The following GATAD2B variants were observed in gnomAD, a reference collection of about 807,000 sequenced individuals.
The protein encoded by GATAD2B is transcriptional repressor p66-beta.
GATAD2B carries 8 observed loss-of-function variants against 64.3 expected under a neutral mutation model. The ratio of observed to expected loss-of-function variants is 0.12; its 90% CI spans 0.07 to 0.22. The LOEUF (loss-of-function observed/expected upper bound fraction) is 0.22, where lower values mean the gene tolerates loss of function less well. GATAD2B is among the 10% of genes least tolerant of loss of function. GATAD2B has a pLI of 1.00. For synonymous variants in GATAD2B, 281 were observed against 271.3 expected, an observed-to-expected ratio of 1.04 and a Z score of -0.35; for missense variants, 453 against 752.0, an observed-to-expected ratio of 0.60 and a Z score of 4.65.
At chr1:153,819,339 CTTAA>C (rs760827689) in intron 3 of GATAD2B, among the ~76,000 whole-genome samples, 6 of 152,200 alleles carry the variant, frequency 3.9e-5, no homozygotes, top group Non-Finnish European at 7.3e-5. Context: ...CTTTATATGA[CTTAA>C]TTATGAACTT....
intron 1 of GATAD2B, among the ~76,000 whole-genome samples, chr1:153,887,484 A>G (rs1677219827): frequency 6.6e-6 from 1 of 152,240 alleles, no homozygotes; most frequent in Non-Finnish European, 1.5e-5. Context: ...AAAACTAGGT[A>G]CACTACCTTA....
chr1:153,830,385 A>G (rs1200365277), intron 1 of GATAD2B, among the ~76,000 whole-genome samples: 2 of 151,932 alleles, frequency 1.3e-5, no homozygotes, highest in Admixed American at 1.3e-4. Flanking sequence ...TGACCTTGTG[A>G]TCTGTCTGCC....
Position 153,806,064 on chromosome 1 carries a change from G to A in GATAD2B, c.*4113C>T, listed in dbSNP as rs539956397. 2.0e-5 allele frequency: 3 copies of A among 152,282 alleles called. No individual in the cohort carries two copies. The highest frequency in any genetic ancestry group is 7.2e-5 in the African/African-American group (3 of 41,536). The allele number at this position is 152,282 out of a possible 1,614,324, so 9.4% of individuals were successfully genotyped here. ...TCTTTCTTTTTTGAGGAGGTGGGGTGGGGGAAATCCCTTGCATAAGAAAGC... is the reference window on the plus strand; with the variant it reads ...TCTTTCTTTTTTGAGGAGGTGGGGTAGGGGAAATCCCTTGCATAAGAAAGC... On this transcript the variant is annotated 3_prime_UTR_variant, in exon 11 of 11. Coordinates refer to ENST00000368655, the MANE Select transcript of GATAD2B (RefSeq NM_020699.4).
At chr1:153,921,713 A>G (rs1678436985) in intron 1 of GATAD2B, 1 of 152,228 alleles carries the variant, frequency 6.6e-6, no homozygotes, top group Non-Finnish European at 1.5e-5. Flanking sequence ...GTTGCTAGCT[A>G]GCTCAGTTAG....
chr1:153,905,690 G>A lies in GATAD2B; in HGVS notation c.-2+17043C>T, dbSNP rs550767251. On this transcript the variant is annotated intron_variant, in intron 1 of 10. Transcript: ENST00000368655. ...CACCTGCCTGTAATCCCAGCTACTC[G>A]GGAGGCTGAAGCAGGAAAACTGCTT... 1.4e-3 allele frequency among the ~76,000 whole-genome samples: 218 copies of A among 151,458 alleles called. 1 individual carries two copies. The highest frequency in any genetic ancestry group is 2.7e-3 in the Non-Finnish European group (184 of 67,846).
intron 1 of GATAD2B, among the ~76,000 whole-genome samples, chr1:153,846,557 CTTTTTTT>C (rs887230575): frequency 7.9e-5 from 9 of 113,860 alleles, no homozygotes; most frequent in East Asian, 2.6e-4. Flanking sequence ...TCTTTGCGTT[CTTTTTTT>C]TTTTTTTTTT....
chr1:153,898,315 A>AAC (rs1677663310), intron 1 of GATAD2B, among the ~76,000 whole-genome samples: 1 of 150,500 alleles, frequency 6.6e-6, no homozygotes, highest in African/African-American at 2.5e-5. Context: ...TCAAAAAAAA[A>AAC]AAAAAAAAGA....
At chr1:153,866,947 T>C (rs1367131554) in intron 1 of GATAD2B, among the ~76,000 whole-genome samples, 1 of 152,092 alleles carries the variant, frequency 6.6e-6, no homozygotes, top group African/African-American at 2.4e-5. Context: ...CACCAGCTGA[T>C]TTTTGTACTT....
chr1:153,855,079 G>A (rs1676035173), intron 1 of GATAD2B, among the ~76,000 whole-genome samples: 1 of 152,082 alleles, frequency 6.6e-6, no homozygotes, highest in Admixed American at 6.6e-5. Flanking sequence ...AGATACTATG[G>A]GGAACTGGGT....
At chr1:153,813,672 A>G (rs1456506420) in intron 7 of GATAD2B, among the ~76,000 whole-genome samples, 1 of 152,222 alleles carries the variant, frequency 6.6e-6, no homozygotes, top group Non-Finnish European at 1.5e-5. Flanking sequence ...AAATGAGGAC[A>G]GAAGTCGAAG....
Position 153,810,341 on chromosome 1 carries a change from G to A in GATAD2B, c.1649-31C>T, listed in dbSNP as rs771547991. The A allele has an allele frequency of 4.4e-6, 7 of 1,606,976 alleles. No individual in the cohort carries two copies. In the Admixed American group the frequency reaches 1.0e-4, roughly 23 times the overall value. ...CCCAGGAGACAAAAGTGGAGGGCAG[G>A]TATTAAAAGAGGAAATAACATTCCC... On this transcript the variant is annotated intron_variant, in intron 10 of 10. Transcript: ENST00000368655.
At chr1:153,834,041 T>C (rs1675179392) in intron 1 of GATAD2B, among the ~76,000 whole-genome samples, 1 of 151,752 alleles carries the variant, frequency 6.6e-6, no homozygotes, top group African/African-American at 2.4e-5. Flanking sequence ...CTCACTCTGT[T>C]GCCCAGTCTG....
At chr1:153,863,687 G>T (rs59308681) in intron 1 of GATAD2B, among the ~76,000 whole-genome samples, 1 of 151,240 alleles carries the variant, frequency 6.6e-6, no homozygotes, top group African/African-American at 2.4e-5. Context: ...GCAGCTGTGC[G>T]ATCTTGGCTC....
chr1:153,841,030 CAGG>C (rs958685337), intron 1 of GATAD2B, among the ~76,000 whole-genome samples: 2 of 147,926 alleles, frequency 1.4e-5, no homozygotes, highest in African/African-American at 2.5e-5. Context: ...GAAGCTGAAG[CAGG>C]AGAATGGCGT....
chr1:153,868,529 A>G (rs1277962042), intron 1 of GATAD2B, among the ~76,000 whole-genome samples: 1 of 152,074 alleles, frequency 6.6e-6, no homozygotes, highest in African/African-American at 2.4e-5. Flanking sequence ...TAAAAAATTT[A>G]AAGTCTTTAA....
At chr1:153,879,275 T>C (rs1676935946) in intron 1 of GATAD2B, among the ~76,000 whole-genome samples, 1 of 151,840 alleles carries the variant, frequency 6.6e-6, no homozygotes, top group Admixed American at 6.6e-5. Context: ...GGGTTTCACC[T>C]TGTTGGCCAG....
Position 153,806,886 on chromosome 1 carries a change from T to C in GATAD2B, c.*3291A>G, listed in dbSNP as rs1674127857. The C allele has an allele frequency of 6.6e-6, 1 of 152,324 alleles. No homozygotes were observed. The highest frequency in any genetic ancestry group is 1.9e-4 in the East Asian group (1 of 5,192). The allele number at this position is 152,324 out of a possible 1,614,324, so 9.4% of individuals were successfully genotyped here. Reference sequence around the variant, plus strand: ...GAAGCATCTTTACAAAGCAGTTCTATAGCTAATTCCTTTTAAAGGGGAAAG... The same window carrying C: ...GAAGCATCTTTACAAAGCAGTTCTACAGCTAATTCCTTTTAAAGGGGAAAG... On this transcript the variant is annotated 3_prime_UTR_variant, in exon 11 of 11. Coordinates refer to ENST00000368655, the MANE Select transcript of GATAD2B (RefSeq NM_020699.4).
chr1:153,867,995 T>A (rs972210007), intron 1 of GATAD2B, among the ~76,000 whole-genome samples: 1 of 152,094 alleles, frequency 6.6e-6, no homozygotes, highest in Non-Finnish European at 1.5e-5. Context: ...GGTCAGGAGT[T>A]CAAGACCAGC....
At chr1:153,859,907 CTTTTTTTTTTT>C (rs34557576) in intron 1 of GATAD2B, among the ~76,000 whole-genome samples, 46 of 60,892 alleles carry the variant, frequency 7.6e-4, no homozygotes, top group Non-Finnish European at 1.2e-3. Context: ...CTTTTCTTTT[CTTTTTTTTTTT>C]TTTTTTTTTT....
Sources: gnomAD v4.1 joint callset for allele counts (sites outside exome capture counted in the v4.1 genomes callset) on GRCh38, gnomAD v4.1.1 for gene constraint, MANE v1.5 for transcripts, NCBI Gene and HGNC (gene_info 2026-07-23, HGNC 2026-07-21) for gene names.